The following TPCN2 variants were observed in gnomAD, a reference collection of about 807,000 sequenced individuals.
The protein encoded by TPCN2 is two pore channel protein 2.
In TPCN2, 92 loss-of-function variants were observed where a neutral mutation model predicts 111.4. The observed-to-expected ratio is 0.83, with a 90% confidence interval of 0.70 to 0.98. The LOEUF (loss-of-function observed/expected upper bound fraction) is 0.98. TPCN2 is among the 50% of genes least tolerant of loss of function. TPCN2 has a pLI of 0.00. For missense variants in TPCN2, 995 were observed against 980.1 expected, an observed-to-expected ratio of 1.02 and a Z score of -0.20; for synonymous variants, 405 against 414.5, an observed-to-expected ratio of 0.98 and a Z score of 0.28.
intron 5 of TPCN2, among the ~76,000 whole-genome samples, chr11:69,061,175 G>C (rs1413925809): frequency 6.6e-6 from 1 of 152,214 alleles, no homozygotes; most frequent in Non-Finnish European, 1.5e-5. Flanking sequence ...AAGTGTGGTG[G>C]TGGGTGCCAT....
At chr11:69,060,446 G>C (rs1466264884) in intron 5 of TPCN2, among the ~76,000 whole-genome samples, 12 of 152,182 alleles carry the variant, frequency 7.9e-5, no homozygotes. Flanking sequence ...CCTTGTGGCC[G>C]AGTGGGTTGG....
At chr11:69,072,857 C>T in intron 12 of TPCN2, 58 bp from the exon 13 acceptor site, 5 of 1,541,196 alleles carry the variant, frequency 3.2e-6, no homozygotes, top group Non-Finnish European at 4.5e-6. Flanking sequence ...GGGCGCTCAC[C>T]TTCGAGGGCG....
intron 5 of TPCN2, among the ~76,000 whole-genome samples, chr11:69,062,650 A>G (rs1450860402): frequency 6.6e-6 from 1 of 152,074 alleles, no homozygotes; most frequent in Non-Finnish European, 1.5e-5. Flanking sequence ...TGCAGCGCCC[A>G]GGAGTTGGGA....
chr11:69,054,567 C>G (rs1854660207), intron 2 of TPCN2, among the ~76,000 whole-genome samples, 154 bp from the exon 3 acceptor site: 1 of 152,184 alleles, frequency 6.6e-6, no homozygotes, highest in Admixed American at 6.5e-5. Flanking sequence ...TGGTGTGGGC[C>G]TGATGGGTCA....
At chr11:69,066,687 C>T (rs1465755155) in intron 7 of TPCN2, among the ~76,000 whole-genome samples, 2 of 152,190 alleles carry the variant, frequency 1.3e-5, no homozygotes, top group East Asian at 1.9e-4. Flanking sequence ...GGCTTTGAAA[C>T]GATCCCTAAG....
intron 19 of TPCN2, among the ~76,000 whole-genome samples, chr11:69,084,504 C>G (rs557439459): frequency 2.4e-4 from 36 of 152,320 alleles, no homozygotes; most frequent in African/African-American, 8.2e-4. Context: ...TGGGGGCCAG[C>G]CTTCCAGCTG....
intron 13 of TPCN2, among the ~76,000 whole-genome samples, chr11:69,073,377 C>A (rs1388531091): frequency 6.6e-6 from 1 of 152,250 alleles, no homozygotes; most frequent in Non-Finnish European, 1.5e-5. Flanking sequence ...TGGGCCTCAG[C>A]ATCCGACTAA....
At chr11:69,052,391 G>C (rs530893996) in intron 1 of TPCN2, among the ~76,000 whole-genome samples, 11 of 152,250 alleles carry the variant, frequency 7.2e-5, no homozygotes, top group Non-Finnish European at 1.6e-4. Flanking sequence ...TCTGGGCTCT[G>C]CAGATACAGC....
Position 69,071,907 on chromosome 11 carries a change from G to T in TPCN2, c.961-16G>T. The T allele has an allele frequency of 1.9e-6, 3 of 1,612,636 alleles. No individual in the cohort carries two copies. The highest frequency in any genetic ancestry group is 2.5e-6 in the Non-Finnish European group (3 of 1,179,048). On this transcript the variant is annotated splice_polypyrimidine_tract_variant and intron_variant, in intron 10 of 24. Transcript: ENST00000294309. ...GGGAGGGCTGATCCTGCCGTTCATA[G>T]CCTTCCTCTTTGCAGAAATCTCTCC...
intron 18 of TPCN2, among the ~76,000 whole-genome samples, chr11:69,082,484 C>A (rs929993410): frequency 6.6e-6 from 1 of 152,306 alleles, no homozygotes; most frequent in African/African-American, 2.4e-5. Context: ...TCCATGTGAA[C>A]TCATGTCCGT....
At chr11:69,053,075 G>A (rs1861303684) in intron 1 of TPCN2, among the ~76,000 whole-genome samples, 1 of 152,240 alleles carries the variant, frequency 6.6e-6, no homozygotes, top group African/African-American at 2.4e-5. Context: ...CTGACCAGGT[G>A]CGCCCGCTGG....
chr11:69,050,481 G>GATTC (rs1165073010), intron 1 of TPCN2, among the ~76,000 whole-genome samples: 2 of 152,184 alleles, frequency 1.3e-5, no homozygotes, highest in African/African-American at 4.8e-5. Context: ...GGGTTGAAGC[G>GATTC]ATTCTCCCGC....
chr11:69,077,307 CCG>C (rs1855832752), intron 13 of TPCN2, among the ~76,000 whole-genome samples: 3 of 78,834 alleles, frequency 3.8e-5, no homozygotes, highest in East Asian at 6.5e-4. Flanking sequence ...TGCCCTCCTG[CCG>C]TGTCCCTCCA....
At chr11:69,066,478 C>T (rs1455935298) in intron 7 of TPCN2, among the ~76,000 whole-genome samples, 2 of 152,214 alleles carry the variant, frequency 1.3e-5, no homozygotes, top group Non-Finnish European at 2.9e-5. Context: ...CACCAATTAG[C>T]TCACGTGTCC....
At chr11:69,077,107 G>T (rs111164231) in intron 13 of TPCN2, among the ~76,000 whole-genome samples, 159 of 2,548 alleles carry the variant, frequency 0.062, 1 homozygote, top group Middle Eastern at 0.5. Flanking sequence ...CCCTCCACTT[G>T]CCCTCCTGCC....
At chr11:69,084,866 C>T (rs1341844132) in intron 19 of TPCN2, 4 of 931,948 alleles carry the variant, frequency 4.3e-6, no homozygotes, top group African/African-American at 1.8e-5. Context: ...TTAGCCCAGG[C>T]GTGTACCCCT....
At chr11:69,053,854 T>TA (rs1321580925) in intron 1 of TPCN2, among the ~76,000 whole-genome samples, 179 bp from the exon 2 acceptor site, 2 of 152,178 alleles carry the variant, frequency 1.3e-5, no homozygotes, top group African/African-American at 4.8e-5. Context: ...CCGAGGCACT[T>TA]ACCTGGTTTG....
intron 22 of TPCN2, 24 bp from the exon 23 acceptor site, chr11:69,086,499 A>G (rs1158458381): frequency 1.2e-6 from 2 of 1,607,372 alleles, no homozygotes. Context: ...CGTGGTTCAC[A>G]GGGTGGGTCT....
intron 22 of TPCN2, 21 bp from the exon 23 acceptor site, chr11:69,086,502 G>C (rs765688706): frequency 6.2e-7 from 1 of 1,609,398 alleles, no homozygotes; most frequent in African/African-American, 1.3e-5. Flanking sequence ...GGTTCACAGG[G>C]TGGGTCTCTG....
Sources: gnomAD v4.1 joint callset for allele counts (sites outside exome capture counted in the v4.1 genomes callset) on GRCh38, gnomAD v4.1.1 for gene constraint, MANE v1.5 for transcripts, NCBI Gene and HGNC (gene_info 2026-07-23, HGNC 2026-07-21) for gene names.